Variants in BAIAP2 observed in about 807,000 individuals in gnomAD.
BAIAP2 encodes the protein BAR/IMD domain-containing adapter protein 2.
Under a neutral mutation model 63.0 loss-of-function variants are expected in BAIAP2, and 18 were observed. The observed-to-expected ratio is 0.29, with a 90% CI of 0.20 to 0.42. The LOEUF (loss-of-function observed/expected upper bound fraction) is 0.42. Ranked by LOEUF, BAIAP2 falls within the 10% of genes least tolerant of loss-of-function variation. The pLI is 1.00. For missense variants in BAIAP2, 610 were observed against 734.3 expected (o/e 0.83, Z 1.96); for synonymous variants, 386 against 307.6 (o/e 1.25, Z -2.67).
chr17:81,095,996 A>G (rs569372420), intron 6 of BAIAP2, among the ~76,000 whole-genome samples: 3 of 152,230 alleles, frequency 2.0e-5, no homozygotes, highest in Non-Finnish European at 2.9e-5. Context: ...AGGGTGGGCA[A>G]CCGGAGCAGC....
At chr17:81,061,665 C>T (rs150093131) in intron 3 of BAIAP2, among the ~76,000 whole-genome samples, 1 of 152,194 alleles carries the variant, frequency 6.6e-6, no homozygotes, top group Non-Finnish European at 1.5e-5. Context: ...TGGCCGTACC[C>T]TCATCTGTTG....
intron 7 of BAIAP2, among the ~76,000 whole-genome samples, 194 bp from the exon 8 acceptor site, chr17:81,103,308 C>T (rs561569597): frequency 1.5e-3 from 232 of 152,368 alleles, no homozygotes; most frequent in Non-Finnish European, 6.2e-4. Context: ...GGTCCATCCC[C>T]GGCCCTTTAC....
At chr17:81,038,905 G>T (rs1000707309) in intron 1 of BAIAP2, among the ~76,000 whole-genome samples, 5 of 152,038 alleles carry the variant, frequency 3.3e-5, no homozygotes, top group South Asian at 4.1e-4. Flanking sequence ...CTGGGTGGGG[G>T]GGGCAGCAGA....
rs765380311 is a variant in BAIAP2, at chr17:81,106,896, G to C, written c.1489G>C (p.Ala497Pro). The C allele has an allele frequency of 6.4e-7, 1 of 1,558,368 alleles. No homozygotes were observed. Among genetic ancestry groups the C allele is most frequent in the Non-Finnish European group, 8.7e-7 (1 of 1,152,144 alleles). ...GAGGCCCTACAGTGTGGCCGTGCCC[G>C]CCTTCTCCCAGGTCAGTGGGCGGGG... is the stretch of plus-strand genomic sequence containing the variant. ...KQRPYSVAVP[A>P]FSQGLDDYGA... Residue 497 changes from alanine to proline, a missense_variant, in exon 12 of 14, where the codon GCC (alanine) becomes CCC (proline). Transcript: ENST00000428708.
chr17:81,082,323 CAT>C (rs979704355), intron 3 of BAIAP2, among the ~76,000 whole-genome samples: 3 of 152,234 alleles, frequency 2.0e-5, no homozygotes, highest in African/African-American at 7.2e-5. Context: ...TGCCCGCACA[CAT>C]ATGTGATACC....
chr17:81,062,800 A>G (rs1020382650), intron 3 of BAIAP2, among the ~76,000 whole-genome samples: 1 of 150,646 alleles, frequency 6.6e-6, no homozygotes, highest in African/African-American at 2.5e-5. Flanking sequence ...TGGAGTTTGC[A>G]GGTGGAAGAT....
intron 3 of BAIAP2, among the ~76,000 whole-genome samples, chr17:81,064,545 C>T (rs759289136): frequency 4.6e-5 from 7 of 152,242 alleles, no homozygotes; most frequent in East Asian, 1.9e-4. Context: ...CCTTGGCCTG[C>T]GTGAGCTTTC....
intron 13 of BAIAP2, chr17:81,109,092 C>A: frequency 6.7e-7 from 1 of 1,485,112 alleles, no homozygotes; most frequent in African/African-American, 1.4e-5. Flanking sequence ...CTGGTTTGTT[C>A]TTGGGTTGTT....
Position 81,057,969 on chromosome 17 carries a change from T to TGCGGGGGGGGGGGGGGGGG in BAIAP2, c.217+3_217+4insCGGGGGGGGGGGGGGGGGG. ...AGAGCCAGGGCTCCAAAGAACTCGG[T>TGCGGGGGGGGGGGGGGGGG]GAGACCCCCCCCCCCCCCCCGCCTG... On this transcript the variant is annotated splice_region_variant and intron_variant, in intron 3 of 13. Transcript: ENST00000428708. 4.1e-6 allele frequency: 4 copies of TGCGGGGGGGGGGGGGGGGG among 964,858 alleles called. No homozygotes were observed. The highest frequency in any genetic ancestry group is 5.6e-6 in the Non-Finnish European group (4 of 713,580). The allele number at this position is 964,858 out of a possible 1,614,324, so 59.8% of individuals were successfully genotyped here. A position where few individuals can be genotyped will look rare whatever the true frequency, so the allele number is the denominator to read the frequency against.
At chr17:81,048,921 AAGCCTTCCATGGCGTGTGTGGG>A (rs930270433) in intron 1 of BAIAP2, among the ~76,000 whole-genome samples, 7 of 152,110 alleles carry the variant, frequency 4.6e-5, no homozygotes, top group African/African-American at 1.7e-4. Flanking sequence ...CTATGAGGGG[AAGCCTTCCATGGCGTGTGTGGG>A]AGCCCCTCGT....
chr17:81,099,976 TC>T lies in BAIAP2; in HGVS notation c.540del (p.Asp181ThrfsTer7). ...GCAGGGCGAGCTGGAGAATTACGTG[TC>T]CGACGGCTACAAGACCGCACTGACA... ...NKQGELENYV[S>X]DGYKTALTEE... On this transcript the variant is annotated frameshift_variant, in exon 7 of 14. Transcript: ENST00000428708. LOFTEE classifies it high-confidence loss of function. 6.2e-7 allele frequency: 1 copy of T among 1,613,464 alleles called. No homozygotes were observed. The highest frequency in any genetic ancestry group is 1.1e-5 in the South Asian group (1 of 91,076).
At chr17:81,111,985 C>G (rs955767077) in intron 13 of BAIAP2, among the ~76,000 whole-genome samples, 7 of 152,394 alleles carry the variant, frequency 4.6e-5, no homozygotes, top group Non-Finnish European at 8.8e-5. Flanking sequence ...TGTCTTCTTT[C>G]ACTGCCTTTC....
chr17:81,093,846 C>T (rs2057209610), intron 6 of BAIAP2, among the ~76,000 whole-genome samples: 2 of 152,188 alleles, frequency 1.3e-5, no homozygotes, highest in South Asian at 2.1e-4. Context: ...TGATCGCCAG[C>T]GTGGAGTCTG....
intron 1 of BAIAP2, among the ~76,000 whole-genome samples, chr17:81,050,157 G>A (rs920986319): frequency 1.3e-5 from 2 of 152,198 alleles, no homozygotes; most frequent in South Asian, 2.1e-4. Context: ...CTGGCCCAGC[G>A]GCTGGATGCA....
At chr17:81,110,216 G>A (rs2059745035) in intron 13 of BAIAP2, 1 of 985,704 alleles carries the variant, frequency 1.0e-6, no homozygotes, top group Non-Finnish European at 1.2e-6. Flanking sequence ...GACGTGGCTG[G>A]TAGTGTTTGT....
rs144570480 is a variant in BAIAP2 at position 81,058,745 on chromosome 17, A to G, written c.217+778A>G. 2.8e-3 allele frequency among the ~76,000 whole-genome samples: 424 copies of G among 151,954 alleles called. 2 individuals carry two copies. The highest frequency in any genetic ancestry group is 9.8e-3 in the African/African-American group (405 of 41,422). ...TGGTCACGGAGGACAGGCTGCGCTC[A>G]CTCTTGACCGTCTCCCCGTGGCCGC... On this transcript the variant is annotated intron_variant, in intron 3 of 13. Transcript: ENST00000428708.
intron 7 of BAIAP2, among the ~76,000 whole-genome samples, chr17:81,101,335 A>C (rs1598786156): frequency 6.6e-6 from 1 of 152,166 alleles, no homozygotes; most frequent in Admixed American, 6.5e-5. Flanking sequence ...CCCTCCTAGG[A>C]GGCTGACTTA....
At chr17:81,110,596 A>C (rs2059804978) in intron 13 of BAIAP2, 3 of 1,212,912 alleles carry the variant, frequency 2.5e-6, no homozygotes, top group South Asian at 3.1e-5. Context: ...TCTGCCAGGT[A>C]TTTTCTCGGC....
chr17:81,109,222 T>G, intron 13 of BAIAP2: 1 of 1,378,402 alleles, frequency 7.3e-7, no homozygotes, highest in East Asian at 2.8e-5. Flanking sequence ...CCATCCTGTG[T>G]GTCCCAGCCT....
Sources: gnomAD v4.1 joint callset for allele counts (sites outside exome capture counted in the v4.1 genomes callset) on GRCh38, gnomAD v4.1.1 for gene constraint, MANE v1.5 for transcripts, NCBI Gene and HGNC (gene_info 2026-07-23, HGNC 2026-07-21) for gene names.